MAN1A1: variants seen among roughly 807,000 people sequenced by gnomAD.
MAN1A1 encodes the protein mannosyl-oligosaccharide 1,2-alpha-mannosidase IA.
MAN1A1 carries 29 observed loss-of-function variants against 70.8 expected under a neutral mutation model. That is an observed-to-expected ratio of 0.41 (90% CI 0.31 to 0.56). MAN1A1 has a LOEUF of 0.56. Among genes scored for constraint, MAN1A1 ranks in the 20% least tolerant of loss-of-function variants. The pLI, the probability that MAN1A1 is intolerant of heterozygous loss-of-function variation, is 0.29. For missense variants in MAN1A1, 747 were observed against 841.3 expected (o/e 0.89, Z 1.39); for synonymous variants, 349 against 330.1 (o/e 1.06, Z -0.62).
At chr6:119,242,537 A>G (rs1775040946) in intron 6 of MAN1A1, among the ~76,000 whole-genome samples, 1 of 152,198 alleles carries the variant, frequency 6.6e-6, no homozygotes, top group Non-Finnish European at 1.5e-5. Flanking sequence ...GGACATCAGA[A>G]CCAAGTTAGT....
intron 2 of MAN1A1, among the ~76,000 whole-genome samples, chr6:119,323,209 CA>C (rs1773062391): frequency 1.3e-5 from 2 of 152,134 alleles, no homozygotes; most frequent in Non-Finnish European, 2.9e-5. Context: ...TGATCTGAAT[CA>C]AAAAGGTTTT....
At chr6:119,212,700 A>AG (rs1774088475) in intron 6 of MAN1A1, among the ~76,000 whole-genome samples, 1 of 152,220 alleles carries the variant, frequency 6.6e-6, no homozygotes, top group Non-Finnish European at 1.5e-5. Flanking sequence ...GGCATTACTT[A>AG]GCCAAGATCA....
intron 10 of MAN1A1, 85 bp from the exon 11 acceptor site, chr6:119,188,662 G>A (rs1360225410): frequency 8.1e-7 from 1 of 1,237,250 alleles, no homozygotes; most frequent in African/African-American, 1.5e-5. Context: ...AGAAAGTACA[G>A]TCATCCCTCA....
intron 2 of MAN1A1, chr6:119,331,915 G>C (rs1381123154): frequency 1.0e-5 from 5 of 501,170 alleles, no homozygotes; most frequent in Non-Finnish European, 2.0e-5. Flanking sequence ...AGAAGAGGGT[G>C]GGGGCAGGGA....
At chr6:119,301,786 C>T (rs1772397272) in intron 4 of MAN1A1, among the ~76,000 whole-genome samples, 1 of 152,182 alleles carries the variant, frequency 6.6e-6, no homozygotes, top group Non-Finnish European at 1.5e-5. Flanking sequence ...TTCTCTTACT[C>T]TTCATTTGCC....
chr6:119,247,480 C>T (rs950759912), intron 6 of MAN1A1, among the ~76,000 whole-genome samples: 16 of 152,282 alleles, frequency 1.1e-4, no homozygotes, highest in African/African-American at 3.4e-4. Flanking sequence ...ACTGTCTCAT[C>T]ATTATCACAG....
intron 3 of MAN1A1, among the ~76,000 whole-genome samples, chr6:119,306,164 G>A (rs1354545527): frequency 6.6e-6 from 1 of 152,138 alleles, no homozygotes; most frequent in African/African-American, 2.4e-5. Context: ...AGAAGTTCCA[G>A]AGTAACACTG....
At chr6:119,261,560 A>G (rs1454362583) in intron 5 of MAN1A1, among the ~76,000 whole-genome samples, 2 of 152,226 alleles carry the variant, frequency 1.3e-5, no homozygotes, top group African/African-American at 4.8e-5. Context: ...AAAAGGATCA[A>G]GTAATAACTT....
chr6:119,241,817 G>C (rs1775011206), intron 6 of MAN1A1, among the ~76,000 whole-genome samples: 1 of 152,026 alleles, frequency 6.6e-6, no homozygotes, highest in African/African-American at 2.4e-5. Context: ...TGTCCTGGGA[G>C]GTTTTTAAAA....
intron 5 of MAN1A1, among the ~76,000 whole-genome samples, chr6:119,256,714 A>G (rs1418182542): frequency 6.6e-6 from 1 of 152,300 alleles, no homozygotes; most frequent in East Asian, 1.9e-4. Context: ...TATGTCATAA[A>G]GAAAATGGGT....
At position 119,348,477 on chromosome 6, in the gene MAN1A1, C is replaced by T; in HGVS notation, c.589G>A (p.Ala197Thr). 1.9e-6 allele frequency: 3 copies of T among 1,605,286 alleles called. No individual in the cohort carries two copies. The highest frequency in any genetic ancestry group is 1.3e-5 in the African/African-American group (1 of 74,722). Residue 197 changes from alanine to threonine, a missense_variant, in exon 2 of 13, where the codon GCA (alanine) becomes ACA (threonine). Physicochemically the swap from Ala to Thr is moderately conservative, Grantham distance 58. Coordinates refer to ENST00000368468, the MANE Select transcript of MAN1A1 (RefSeq NM_005907.4). ...PADAAIREKR[A>T]KIKEMMKHAW... ...GGCCCACTCACCTCTTTGATCTTTG[C>T]CCTTTTCTCGCGGATGGCGGCGTCG...
At chr6:119,222,269 G>C (rs1164522055) in intron 6 of MAN1A1, among the ~76,000 whole-genome samples, 3 of 148,666 alleles carry the variant, frequency 2.0e-5, no homozygotes, top group Admixed American at 6.7e-5. Flanking sequence ...ACACCCTGAA[G>C]TGTTTTTTAT....
chr6:119,338,107 A>C (rs1179948175), intron 2 of MAN1A1, among the ~76,000 whole-genome samples: 1 of 152,046 alleles, frequency 6.6e-6, no homozygotes, highest in Non-Finnish European at 1.5e-5. Flanking sequence ...AGCACTGTAA[A>C]TATTCTAAAA....
At chr6:119,183,704 A>G (rs951480676) in intron 11 of MAN1A1, among the ~76,000 whole-genome samples, 15 of 152,094 alleles carry the variant, frequency 9.9e-5, no homozygotes, top group African/African-American at 3.6e-4. Flanking sequence ...GGGGTGGACA[A>G]TGCCTAATCA....
intron 6 of MAN1A1, among the ~76,000 whole-genome samples, chr6:119,214,318 G>C (rs1298576882): frequency 1.3e-5 from 2 of 152,028 alleles, no homozygotes; most frequent in African/African-American, 4.8e-5. Context: ...TTCATGCTCT[G>C]AACTTCTGGT....
chr6:119,259,625 A>G (rs1210121448), intron 5 of MAN1A1, among the ~76,000 whole-genome samples: 1 of 152,174 alleles, frequency 6.6e-6, no homozygotes, highest in African/African-American at 2.4e-5. Flanking sequence ...GGTACAGAGT[A>G]TATAGTTTTA....
At chr6:119,256,208 A>C (rs1003896407) in intron 5 of MAN1A1, among the ~76,000 whole-genome samples, 1 of 152,218 alleles carries the variant, frequency 6.6e-6, no homozygotes, top group African/African-American at 2.4e-5. Context: ...AATTTAAACA[A>C]AGGAAAACAC....
intron 8 of MAN1A1, among the ~76,000 whole-genome samples, chr6:119,195,590 C>A (rs1338645603): frequency 6.6e-6 from 1 of 152,162 alleles, no homozygotes; most frequent in Non-Finnish European, 1.5e-5. Context: ...TCTTCTGTCT[C>A]CTCCACAAGA....
At chr6:119,307,456 T>C (rs1426775190) in intron 2 of MAN1A1, among the ~76,000 whole-genome samples, 1 of 152,210 alleles carries the variant, frequency 6.6e-6, no homozygotes, top group East Asian at 1.9e-4. Context: ...TAAACCACTT[T>C]GATGTTTCCT....
Sources: gnomAD v4.1 joint callset for allele counts (sites outside exome capture counted in the v4.1 genomes callset) on GRCh38, gnomAD v4.1.1 for gene constraint, MANE v1.5 for transcripts, NCBI Gene and HGNC (gene_info 2026-07-23, HGNC 2026-07-21) for gene names.